MAPK8IP1: variants seen among roughly 807,000 people sequenced by gnomAD.
MAPK8IP1 encodes mitogen-activated protein kinase 8 interacting protein 1.
In MAPK8IP1, 17 loss-of-function variants were observed where a neutral mutation model predicts 72.6. That is an observed-to-expected ratio of 0.23 (90% confidence interval 0.16 to 0.35). The LOEUF (loss-of-function observed/expected upper bound fraction) is 0.35. MAPK8IP1 is among the 10% of genes least tolerant of loss of function. The pLI is 1.00. For synonymous variants in MAPK8IP1, 401 were observed against 443.4 expected (o/e 0.90, Z 1.20); for missense variants, 789 against 1,009.7 (o/e 0.78, Z 2.96).
At chr11:45,893,837 T>C (rs534197368) in intron 1 of MAPK8IP1, among the ~76,000 whole-genome samples, 2 of 152,150 alleles carry the variant, frequency 1.3e-5, no homozygotes, top group South Asian at 2.1e-4. Context: ...CTTCCCCACA[T>C]TGACCTTCCA....
At position 45,885,772 on chromosome 11, in the gene MAPK8IP1, GCCT is replaced by G; in HGVS notation, c.-43_-41del. The G allele has an allele frequency of 8.8e-7, 1 of 1,138,572 alleles. No homozygotes were observed. 70.5% of individuals were successfully genotyped at this position (1,138,572 alleles called of 1,614,324 possible). A position where few individuals can be genotyped will look rare whatever the true frequency, so the allele number is the denominator to read the frequency against. ...CGCCTCCGCCTCCTTCGCAGCCGCC[GCCT>G]CCTCCGCGCCGCGCTCCGCCCGGAT... On this transcript the variant is annotated 5_prime_UTR_variant, in exon 1 of 12. Transcript: ENST00000241014.
chr11:45,898,378 GTAT>G (rs1328262605), intron 2 of MAPK8IP1, among the ~76,000 whole-genome samples, 188 bp downstream of exon 2: 3 of 152,194 alleles, frequency 2.0e-5, no homozygotes, highest in South Asian at 2.1e-4. Flanking sequence ...ATTTCATTTG[GTAT>G]TATTATTATT....
At chr11:45,905,071 G>C in intron 10 of MAPK8IP1, 30 bp downstream of exon 10, 1 of 1,613,654 alleles carries the variant, frequency 6.2e-7, no homozygotes, top group African/African-American at 1.3e-5. Context: ...CAGTGGAGGA[G>C]GCACGGGTGG....
In MAPK8IP1 at chr11:45,905,280, C is replaced by T. The variant is rs115496978; in HGVS notation, c.2063+31C>T. ...TGTACACCCTGCTGAGCACCCAGCC[C>T]GAGGGAGCACGCCCAATCCCAGGCC... On this transcript the variant is annotated intron_variant, in intron 11 of 11. Transcript: ENST00000241014. 6,657 of 1,584,314 alleles carry T rather than the reference C, an allele frequency of 4.2e-3. 195 individuals are homozygous for T. The African/African-American group carries it at 0.07, about 17-fold the overall frequency.
Position 45,905,323 on chromosome 11 carries a change from C to T in MAPK8IP1, c.2063+74C>T, listed in dbSNP as rs1189313301. ...CCCAGGCCCTGGGGCTGCTTCCTGG[C>T]GCTCAGCTTTGCCCCTCGGTTTCCC... On this transcript the variant is annotated intron_variant, in intron 11 of 11. Transcript: ENST00000241014. 100 of 1,372,736 alleles carry T rather than the reference C, an allele frequency of 7.3e-5. 1 individual carries two copies. The highest frequency in any genetic ancestry group is 2.7e-4 in the South Asian group (23 of 84,186). The allele number at this position is 1,372,736 out of a possible 1,614,324, so 85.0% of individuals were successfully genotyped here.
chr11:45,895,633 A>ATAT (rs1332585667), intron 1 of MAPK8IP1, among the ~76,000 whole-genome samples: 3 of 42,514 alleles, frequency 7.1e-5, no homozygotes, highest in African/African-American at 1.4e-4. Context: ...AAAAAAAAAA[A>ATAT]ATATATATAT....
At chr11:45,893,009 G>C (rs1264339777) in intron 1 of MAPK8IP1, among the ~76,000 whole-genome samples, 1 of 152,166 alleles carries the variant, frequency 6.6e-6, no homozygotes, top group Non-Finnish European at 1.5e-5. Flanking sequence ...TGGACCACAC[G>C]TGCCCTCTGT....
Position 45,902,431 on chromosome 11 carries a change from G to T in MAPK8IP1, c.664G>T (p.Gly222Cys). The T allele has an allele frequency of 6.3e-7, 1 of 1,586,754 alleles. No homozygotes were observed. The highest frequency in any genetic ancestry group is 8.6e-7 in the Non-Finnish European group (1 of 1,167,878). The stretch of plus-strand genomic sequence containing the variant: ...GAGCGATGAGCTGCCCCCCCAGAGC[G>T]GCCCCGCCCCCACCACAGATCGAGG... Reference protein sequence around the residue: ...CLSDELPPQSGPAPTTDRGTS... With the variant: ...CLSDELPPQSCPAPTTDRGTS... Residue 222 changes from glycine (G) to cysteine (C), a missense_variant, in exon 5 of 12, where the codon GGC (glycine) becomes TGC (cysteine). Around this residue, in one of 4 missense-constraint regions of MAPK8IP1, gnomAD observed 377 missense variants for 411.7 expected, o/e 0.92. Coordinates refer to ENST00000241014, the MANE Select transcript of MAPK8IP1 (RefSeq NM_005456.4). The surrounding 1 kb of genome is among the most constrained non-coding windows in gnomAD (Gnocchi z 9.3).
chr11:45,888,711 GA>G (rs1236296393), intron 1 of MAPK8IP1, among the ~76,000 whole-genome samples: 2 of 145,836 alleles, frequency 1.4e-5, no homozygotes, highest in African/African-American at 2.5e-5. Flanking sequence ...TTTTTTTTTT[GA>G]GACAGAGTCT....
In MAPK8IP1 at chr11:45,906,208, T is replaced by C. The variant is rs906777471; in HGVS notation, c.*487T>C. 6.8e-6 allele frequency: 2 copies of C among 292,852 alleles called. No homozygotes were observed. Among genetic ancestry groups the C allele is most frequent in the African/African-American group, 2.2e-5 (1 of 46,496 alleles). The allele number at this position is 292,852 out of a possible 1,614,324, so 18.1% of individuals were successfully genotyped here. A position where few individuals can be genotyped will look rare whatever the true frequency, so the allele number is the denominator to read the frequency against. ...GAGCCCAGCCACCTCCCAAGGACTTTCCAGTGAGGAAATGGCAACACGTGG... is the reference window on the plus strand; with the variant it reads ...GAGCCCAGCCACCTCCCAAGGACTTCCCAGTGAGGAAATGGCAACACGTGG... On this transcript the variant is annotated 3_prime_UTR_variant, in exon 12 of 12. Transcript: ENST00000241014.
Position 45,902,139 on chromosome 11 carries a change from G to A in MAPK8IP1, c.604+78G>A. On this transcript the variant is annotated intron_variant, in intron 4 of 11. Coordinates refer to ENST00000241014, the MANE Select transcript of MAPK8IP1 (RefSeq NM_005456.4). The surrounding 1 kb of genome is among the most constrained non-coding windows in gnomAD (Gnocchi z 9.3). ...CCCACTACAGAGAGCAAACCCTACA[G>A]TCTCCAAAGGGCTGAGTAGAGGTGA... 1 of 1,319,524 alleles carries A rather than the reference G, an allele frequency of 7.6e-7. No homozygotes were observed. The highest frequency in any genetic ancestry group is 1.1e-6 in the Non-Finnish European group (1 of 910,988). The allele number at this position is 1,319,524 out of a possible 1,614,324, so 81.7% of individuals were successfully genotyped here.
Position 45,900,120 on chromosome 11 carries a change from C to T in MAPK8IP1, c.208-18C>T. 1.7e-6 allele frequency: 2 copies of T among 1,209,444 alleles called. No homozygotes were observed. Among genetic ancestry groups the T allele is most frequent in the Non-Finnish European group, 2.1e-6 (2 of 974,652 alleles). The allele number at this position is 1,209,444 out of a possible 1,614,324, so 74.9% of individuals were successfully genotyped here. On this transcript the variant is annotated intron_variant, in intron 2 of 11. Transcript: ENST00000241014. The surrounding 1 kb of genome is among the most constrained non-coding windows in gnomAD (Gnocchi z 6.5). Reference sequence around the variant, plus strand: ...CGCCCCGGCCCCGCCCCCTGACGCCCCTCCGTGCGCTGTGCAGCCCCCGCG... The same window carrying T: ...CGCCCCGGCCCCGCCCCCTGACGCCTCTCCGTGCGCTGTGCAGCCCCCGCG...
chr11:45,890,778 T>C (rs903501057), intron 1 of MAPK8IP1, among the ~76,000 whole-genome samples: 1 of 152,054 alleles, frequency 6.6e-6, no homozygotes, highest in African/African-American at 2.4e-5. Flanking sequence ...CTGGGGATCA[T>C]TGGAGGACCC....
Position 45,902,843 on chromosome 11 carries a change from C to T in MAPK8IP1, c.1076C>T (p.Pro359Leu), listed in dbSNP as rs1364573192. ...GGGWRGSLGE[P>L]PPPPRASLSS... The stretch of plus-strand genomic sequence containing the variant: ...GGGTGGCGGGGGAGCCTGGGGGAGC[C>T]GCCGCCACCTCCACGGGCCTCTCTG... The change falls in exon 5 of 12, where the codon CCG becomes CTG. Residue 359 changes from proline to leucine, a missense_variant. Physicochemically the swap from Pro to Leu is moderately conservative, Grantham distance 98. Around this residue, in one of 4 missense-constraint regions of MAPK8IP1, gnomAD observed 377 missense variants for 411.7 expected, o/e 0.92. Coordinates refer to ENST00000241014, the MANE Select transcript of MAPK8IP1 (RefSeq NM_005456.4). The surrounding 1 kb of genome is among the most constrained non-coding windows in gnomAD (Gnocchi z 9.3). The T allele has an allele frequency of 8.2e-6, 13 of 1,584,442 alleles. No individual in the cohort carries two copies. Among genetic ancestry groups the T allele is most frequent in the South Asian group, 4.5e-5 (4 of 88,210 alleles).
intron 2 of MAPK8IP1, among the ~76,000 whole-genome samples, chr11:45,899,767 C>T (rs2086634873): frequency 1.3e-5 from 2 of 152,190 alleles, no homozygotes; most frequent in Non-Finnish European, 2.9e-5. Flanking sequence ...CCATCCCTTG[C>T]CCACCCCACC....
chr11:45,885,851 G>A lies in MAPK8IP1; in HGVS notation c.31G>A (p.Gly11Arg), dbSNP rs201511756. The A allele has an allele frequency of 6.2e-6, 9 of 1,446,528 alleles. No homozygotes were observed. Among genetic ancestry groups the A allele is most frequent in the African/African-American group, 1.5e-5 (1 of 67,932 alleles). The allele number at this position is 1,446,528 out of a possible 1,614,324, so 89.6% of individuals were successfully genotyped here. A position where few individuals can be genotyped will look rare whatever the true frequency, so the allele number is the denominator to read the frequency against. Residue 11 changes from glycine (G) to arginine (R), a missense_variant, in exon 1 of 12, where the codon GGG (glycine) becomes AGG (arginine). Coordinates refer to ENST00000241014, the MANE Select transcript of MAPK8IP1 (RefSeq NM_005456.4). ...GGAGCGAGAAAGCGGCGGCCTGGGA[G>A]GGGGGGCCGCGTCCCCGCCCGCCGC... MAERESGGLG[G>R]GAASPPAASP...
intron 1 of MAPK8IP1, among the ~76,000 whole-genome samples, chr11:45,893,612 C>CA (rs2086582227): frequency 6.6e-6 from 1 of 152,184 alleles, no homozygotes; most frequent in Non-Finnish European, 1.5e-5. Context: ...GATGGGTGGG[C>CA]AGGGGCTGCT....
At position 45,903,270 on chromosome 11, in the gene MAPK8IP1, A is replaced by T; in HGVS notation, c.1417+86A>T. On this transcript the variant is annotated intron_variant, in intron 5 of 11. Transcript: ENST00000241014. This position sits in a 1 kb window ranked among gnomAD's most constrained non-coding sequence, Gnocchi z 6.4. Reference sequence around the variant, plus strand: ...GCGAAGTGTTCTGGGAGGCGACCCCAGGCCCCATCTGGTTAGGACTGAGGC... The same window carrying T: ...GCGAAGTGTTCTGGGAGGCGACCCCTGGCCCCATCTGGTTAGGACTGAGGC... The T allele has an allele frequency of 1.9e-6, 3 of 1,581,602 alleles. No homozygotes were observed. The highest frequency in any genetic ancestry group is 2.6e-6 in the Non-Finnish European group (3 of 1,157,394).
chr11:45,902,699 C>A lies in MAPK8IP1; in HGVS notation c.932C>A (p.Ser311Tyr). 6.2e-7 allele frequency: 1 copy of A among 1,610,370 alleles called. No individual in the cohort carries two copies. Among genetic ancestry groups the A allele is most frequent in the Non-Finnish European group, 8.5e-7 (1 of 1,179,844 alleles). Residue 311 changes from serine to tyrosine, a missense_variant, in exon 5 of 12, where the codon TCC (serine) becomes TAC (tyrosine). Ser to Tyr is a moderately radical substitution (Grantham distance 144). Transcript: ENST00000241014. The surrounding 1 kb of genome is among the most constrained non-coding windows in gnomAD (Gnocchi z 9.3). Reference sequence around the variant, plus strand: ...ACTGAGAGCCGGATGTCAGTCAGCTCCGATCCAGACCCTGCCGCCTACCCC... The same window carrying A: ...ACTGAGAGCCGGATGTCAGTCAGCTACGATCCAGACCCTGCCGCCTACCCC... ...PPTESRMSVSSDPDPAAYPST... is the reference protein window; with the variant it reads ...PPTESRMSVSYDPDPAAYPST...
Sources: allele counts gnomAD v4.1 joint callset (sites outside exome capture counted in the v4.1 genomes callset), GRCh38; gene constraint gnomAD v4.1.1; regional missense constraint gnomAD v4.1.1; non-coding constraint Gnocchi (gnomAD v3.1); transcripts MANE v1.5; gene names NCBI Gene and HGNC (gene_info 2026-07-23, HGNC 2026-07-21).